Variants in SH3PXD2A observed in about 807,000 individuals in gnomAD.
The protein encoded by SH3PXD2A is SH3 and PX domains 2A, also known as SH3 and PX domain-containing protein 2A.
Under a neutral mutation model 115.2 loss-of-function variants are expected in SH3PXD2A, and 32 were observed. The observed-to-expected ratio is 0.28, with a 90% CI of 0.21 to 0.37. SH3PXD2A has a LOEUF of 0.37. SH3PXD2A is among the 10% of genes least tolerant of loss of function. The probability of loss-of-function intolerance (pLI) is 1.00; values close to 1 mark genes in which losing one functional copy is unlikely to be tolerated. For synonymous variants in SH3PXD2A, 610 were observed against 629.1 expected (o/e 0.97, Z 0.45); for missense variants, 1,328 against 1,498.7 (o/e 0.89, Z 1.88).
chr10:103,610,371 C>G (rs2036407581), intron 13 of SH3PXD2A, among the ~76,000 whole-genome samples: 1 of 152,230 alleles, frequency 6.6e-6, no homozygotes, highest in Non-Finnish European at 1.5e-5. Flanking sequence ...TTACCCCATT[C>G]TTGCCAAAAT....
At chr10:103,823,138 T>C (rs1048831336) in intron 1 of SH3PXD2A, among the ~76,000 whole-genome samples, 4 of 152,220 alleles carry the variant, frequency 2.6e-5, no homozygotes, top group African/African-American at 9.6e-5. Flanking sequence ...TGTTCAAAGA[T>C]GTTTTTGGCA....
At chr10:103,846,899 C>T (rs181545041) in intron 1 of SH3PXD2A, among the ~76,000 whole-genome samples, 2 of 152,348 alleles carry the variant, frequency 1.3e-5, no homozygotes, top group Admixed American at 6.5e-5. Context: ...AGCTGCGTGG[C>T]ATCTGGCAAT....
rs2036235387 is a variant in SH3PXD2A at position 103,602,610 on chromosome 10, G to A, written c.2608C>T (p.Leu870=). The A allele has an allele frequency of 6.2e-7, 1 of 1,614,008 alleles. No individual in the cohort carries two copies. The highest frequency in any genetic ancestry group is 1.3e-5 in the African/African-American group (1 of 74,898). ...SFPAGVEVQV[L]EKQESGWWYV... ...CACCACCCGCTCTCCTGCTTCTCCAGCACCTGCACCTCCACGCCCGCGGGG... is the reference window on the plus strand; with the variant it reads ...CACCACCCGCTCTCCTGCTTCTCCAACACCTGCACCTCCACGCCCGCGGGG... Residue 870 remains leucine (L), a synonymous_variant, in exon 15 of 15, where the codon CTG becomes TTG. Transcript: ENST00000369774.
intron 2 of SH3PXD2A, among the ~76,000 whole-genome samples, chr10:103,776,436 C>CTGTGTGTG (rs34034863): frequency 0.023 from 2,925 of 125,084 alleles, 78 homozygotes; most frequent in Admixed American, 0.05. Flanking sequence ...GTGTGTGTGT[C>CTGTGTGTG]TGTGTGTGTG....
chr10:103,636,972 C>T (rs1276459616), intron 8 of SH3PXD2A, among the ~76,000 whole-genome samples: 1 of 152,220 alleles, frequency 6.6e-6, no homozygotes, highest in Non-Finnish European at 1.5e-5. Flanking sequence ...CACTGGCACA[C>T]CAGAGTAATA....
chr10:103,804,695 C>T (rs1362446592), intron 1 of SH3PXD2A, among the ~76,000 whole-genome samples: 9 of 151,964 alleles, frequency 5.9e-5, no homozygotes, highest in Non-Finnish European at 1.3e-4. Flanking sequence ...AGGGAGTGCA[C>T]CTTAGAGGAA....
chr10:103,662,341 C>CGGGGGGGGGG (rs1196791691), intron 7 of SH3PXD2A, among the ~76,000 whole-genome samples: 1 of 10,634 alleles, frequency 9.4e-5, no homozygotes. Flanking sequence ...CCATTATTGG[C>CGGGGGGGGGG]GGGGGGGGGG....
intron 3 of SH3PXD2A, among the ~76,000 whole-genome samples, chr10:103,761,695 C>T (rs896434890): frequency 6.6e-6 from 1 of 152,144 alleles, no homozygotes; most frequent in African/African-American, 2.4e-5. Flanking sequence ...AATGACAGCC[C>T]GAGGGAGAGG....
intron 8 of SH3PXD2A, among the ~76,000 whole-genome samples, chr10:103,634,016 G>A (rs1348812649): frequency 1.3e-5 from 2 of 152,168 alleles, no homozygotes; most frequent in African/African-American, 2.4e-5. Context: ...CCGTACATTC[G>A]GCTCCATAGC....
chr10:103,770,804 A>G (rs1279960127), intron 2 of SH3PXD2A, among the ~76,000 whole-genome samples: 1 of 152,088 alleles, frequency 6.6e-6, no homozygotes, highest in Non-Finnish European at 1.5e-5. Flanking sequence ...CCACTCCCCT[A>G]CTGTTGGATA....
intron 8 of SH3PXD2A, among the ~76,000 whole-genome samples, chr10:103,633,194 T>A (rs1024561374): frequency 6.6e-6 from 1 of 151,980 alleles, no homozygotes; most frequent in South Asian, 2.1e-4. Flanking sequence ...GGCAGACGGA[T>A]TGCTTGAGGC....
intron 4 of SH3PXD2A, among the ~76,000 whole-genome samples, chr10:103,728,893 G>GT (rs1230309303): frequency 8.6e-5 from 12 of 139,784 alleles, no homozygotes; most frequent in African/African-American, 3.3e-4. Flanking sequence ...TTGTTTGTTT[G>GT]TTTGTTTTTT....
chr10:103,735,680 C>A, intron 4 of SH3PXD2A, 52 bp downstream of exon 4: 1 of 1,384,436 alleles, frequency 7.2e-7, no homozygotes, highest in Admixed American at 1.7e-5. Context: ...GGGCCCCTCT[C>A]CTCCCTGAAG....
In SH3PXD2A at chr10:103,601,109, T is replaced by A. The variant is rs2036208492; in HGVS notation, c.*707A>T. ...GTAAACTCTGGTACTGTGTCCTCCA[T>A]GGGGTGCCCCACGGAGAGCGGGCTC... is the stretch of plus-strand genomic sequence containing the variant. On this transcript the variant is annotated 3_prime_UTR_variant, in exon 15 of 15. Coordinates refer to ENST00000369774, the MANE Select transcript of SH3PXD2A (RefSeq NM_001394015.1). The A allele has an allele frequency of 6.6e-6, 1 of 152,256 alleles. No individual in the cohort carries two copies. The highest frequency in any genetic ancestry group is 1.9e-4 in the East Asian group (1 of 5,184). The allele number at this position is 152,256 out of a possible 1,614,324, so 9.4% of individuals were successfully genotyped here.
At chr10:103,688,640 A>G (rs915694650) in intron 6 of SH3PXD2A, among the ~76,000 whole-genome samples, 3 of 152,176 alleles carry the variant, frequency 2.0e-5, no homozygotes, top group Non-Finnish European at 4.4e-5. Context: ...AATGTGTTTG[A>G]TGCGTTTAAG....
intron 1 of SH3PXD2A, among the ~76,000 whole-genome samples, chr10:103,810,173 G>T (rs556620140): frequency 6.6e-6 from 1 of 152,340 alleles, no homozygotes; most frequent in East Asian, 1.9e-4. Context: ...GCCTCCTGAA[G>T]GTGGTTGGTG....
chr10:103,774,156 T>C (rs1000572545), intron 2 of SH3PXD2A, among the ~76,000 whole-genome samples: 1 of 152,224 alleles, frequency 6.6e-6, no homozygotes, highest in Non-Finnish European at 1.5e-5. Context: ...TCTACTCCAT[T>C]ATAATTTTCT....
intron 1 of SH3PXD2A, among the ~76,000 whole-genome samples, chr10:103,825,295 G>A (rs1042308845): frequency 2.6e-5 from 4 of 152,060 alleles, no homozygotes; most frequent in African/African-American, 7.2e-5. Flanking sequence ...TTTCATCAGC[G>A]CCCATTACAT....
intron 2 of SH3PXD2A, among the ~76,000 whole-genome samples, chr10:103,794,962 T>A (rs1297732477): frequency 6.6e-6 from 1 of 152,096 alleles, no homozygotes; most frequent in Non-Finnish European, 1.5e-5. Context: ...CCTAGAAGAT[T>A]TCAGGGGGCA....
Sources: allele counts gnomAD v4.1 joint callset (sites outside exome capture counted in the v4.1 genomes callset), GRCh38; gene constraint gnomAD v4.1.1; transcripts MANE v1.5; gene names NCBI Gene and HGNC (gene_info 2026-07-23, HGNC 2026-07-21).